PTPRD: variants seen among roughly 807,000 people sequenced by gnomAD.
PTPRD encodes protein tyrosine phosphatase receptor type D.
PTPRD carries 34 observed loss-of-function variants against 214.5 expected under a neutral mutation model. The ratio of observed to expected loss-of-function variants is 0.16; its 90% CI spans 0.12 to 0.21. PTPRD has a LOEUF of 0.21. Among genes scored for constraint, PTPRD ranks in the 10% least tolerant of loss-of-function variants. PTPRD has a pLI of 1.00. For missense variants in PTPRD, 2,545 were observed against 2,398.7 expected (o/e 1.06, Z -1.27); for synonymous variants, 1,128 against 845.7 (o/e 1.33, Z -5.79).
chr9:8,868,280 C>T (rs1239111503), intron 11 of PTPRD, among the ~76,000 whole-genome samples: 2 of 152,194 alleles, frequency 1.3e-5, no homozygotes, highest in African/African-American at 4.8e-5. Flanking sequence ...GCTACTGCAA[C>T]CTCTGCCTCC....
At chr9:8,352,289 A>C (rs1216871146) in intron 39 of PTPRD, among the ~76,000 whole-genome samples, 2 of 152,200 alleles carry the variant, frequency 1.3e-5, no homozygotes, top group African/African-American at 2.4e-5. Flanking sequence ...TGGATAGAAC[A>C]GGCCATTAGG....
intron 5 of PTPRD, among the ~76,000 whole-genome samples, chr9:9,797,339 G>C (rs934184022): frequency 1.4e-5 from 2 of 138,236 alleles, no homozygotes; most frequent in Admixed American, 7.9e-5. Context: ...TATTTTATAA[G>C]AAAATACTAT....
chr9:10,217,192 A>G lies in PTPRD; in HGVS notation c.-545+123771T>C, dbSNP rs538414896. On this transcript the variant is annotated intron_variant, in intron 3 of 45. Transcript: ENST00000381196. ...TAAAGAAGTTGTATTTACTTGTGAA[A>G]CATGTTTAAATGATTTAGATTTAAG... 2.0e-5 allele frequency among the ~76,000 whole-genome samples: 3 copies of G among 151,750 alleles called. No individual in the cohort carries two copies. In the East Asian group the frequency reaches 5.8e-4, roughly 30 times the overall value.
intron 11 of PTPRD, among the ~76,000 whole-genome samples, chr9:8,910,421 G>A (rs948820623): frequency 2.3e-4 from 35 of 152,136 alleles, no homozygotes; most frequent in Admixed American, 7.2e-4. Flanking sequence ...ATCTGTACTC[G>A]CAAATGGATT....
At chr9:9,041,321 G>T (rs1400802549) in intron 10 of PTPRD, among the ~76,000 whole-genome samples, 1 of 152,032 alleles carries the variant, frequency 6.6e-6, no homozygotes, top group Non-Finnish European at 1.5e-5. Context: ...CAGGTATTAA[G>T]CCTAGTACCC....
chr9:9,676,355 C>T (rs947964131), intron 7 of PTPRD, among the ~76,000 whole-genome samples: 1 of 149,522 alleles, frequency 6.7e-6, no homozygotes, highest in African/African-American at 2.5e-5. Context: ...CAATTCCCAC[C>T]TATGAGGGAG....
chr9:8,335,651 G>A (rs544247360), intron 43 of PTPRD, among the ~76,000 whole-genome samples: 1 of 152,158 alleles, frequency 6.6e-6, no homozygotes, highest in Non-Finnish European at 1.5e-5. Context: ...AGGGCAATCA[G>A]GCAAGAGAAA....
intron 8 of PTPRD, among the ~76,000 whole-genome samples, chr9:9,536,785 C>G (rs2076601207): frequency 6.6e-6 from 1 of 152,012 alleles, no homozygotes; most frequent in South Asian, 2.1e-4. Context: ...AAACGAAAAG[C>G]CCCTTCTCAT....
At chr9:9,949,904 G>C (rs565687504) in intron 4 of PTPRD, among the ~76,000 whole-genome samples, 1 of 152,238 alleles carries the variant, frequency 6.6e-6, no homozygotes, top group South Asian at 2.1e-4. Flanking sequence ...TCTGAAGCCA[G>C]TATTATCAAA....
chr9:8,741,975 A>T (rs989928533), intron 11 of PTPRD, among the ~76,000 whole-genome samples: 1 of 152,146 alleles, frequency 6.6e-6, no homozygotes, highest in African/African-American at 2.4e-5. Flanking sequence ...CTTGATTAAG[A>T]GGTCTAGACA....
chr9:10,488,736 G>A (rs762285894), intron 2 of PTPRD, among the ~76,000 whole-genome samples: 12 of 152,034 alleles, frequency 7.9e-5, no homozygotes, highest in African/African-American at 2.2e-4. Context: ...AACGGCCACC[G>A]CCACCACAGG....
At chr9:9,396,124 T>G (rs1366328429) in intron 9 of PTPRD, among the ~76,000 whole-genome samples, 3 of 152,036 alleles carry the variant, frequency 2.0e-5, no homozygotes, top group Non-Finnish European at 2.9e-5. Context: ...TGTATGTGAC[T>G]CAACAAAACA....
At chr9:9,111,131 A>G (rs1467005389) in intron 10 of PTPRD, among the ~76,000 whole-genome samples, 1 of 151,506 alleles carries the variant, frequency 6.6e-6, no homozygotes, top group East Asian at 2.0e-4. Flanking sequence ...GACCTACACT[A>G]TGGGGAACCA....
chr9:9,333,083 T>A (rs1392446044), intron 9 of PTPRD, among the ~76,000 whole-genome samples: 2 of 151,828 alleles, frequency 1.3e-5, no homozygotes, highest in South Asian at 4.2e-4. Flanking sequence ...GGGAGGGACA[T>A]AAAGAGTACA....
chr9:10,569,091 C>T (rs1295103539), intron 2 of PTPRD, among the ~76,000 whole-genome samples: 1 of 151,894 alleles, frequency 6.6e-6, no homozygotes, highest in Middle Eastern at 3.2e-3. Context: ...AAACAAAAAC[C>T]CATCAAAAAA....
intron 8 of PTPRD, among the ~76,000 whole-genome samples, chr9:9,571,116 G>A: frequency 6.6e-6 from 1 of 151,374 alleles, no homozygotes; most frequent in East Asian, 1.9e-4. Flanking sequence ...GTTACTTCAT[G>A]AGGAAAAACA....
In PTPRD at chr9:10,569,368, G is replaced by A. The variant is rs115821498; in HGVS notation, c.-600+43030C>T. Reference sequence around the variant, plus strand: ...TTTTAAAACCTACACCAGTATTCCCGGTTAACATATCTATTTCTTCTCCCT... The same window carrying A: ...TTTTAAAACCTACACCAGTATTCCCAGTTAACATATCTATTTCTTCTCCCT... On this transcript the variant is annotated intron_variant, in intron 2 of 45. Transcript: ENST00000381196. 3.9e-3 allele frequency among the ~76,000 whole-genome samples: 588 copies of A among 152,002 alleles called. 2 individuals are homozygous for A. The highest frequency in any genetic ancestry group is 0.012 in the African/African-American group (511 of 41,470).
chr9:9,865,967 A>G (rs1441784265), intron 5 of PTPRD, among the ~76,000 whole-genome samples: 1 of 152,194 alleles, frequency 6.6e-6, no homozygotes, highest in Non-Finnish European at 1.5e-5. Flanking sequence ...GAACAATTCA[A>G]GGAAGAGTCC....
intron 11 of PTPRD, chr9:8,861,387 G>GA (rs1272825475): frequency 6.6e-6 from 1 of 151,954 alleles, no homozygotes; most frequent in Non-Finnish European, 1.5e-5. Context: ...AGAAAAGTAG[G>GA]AAAAAACACA....
Sources: gnomAD v4.1 joint callset for allele counts (sites outside exome capture counted in the v4.1 genomes callset) on GRCh38, gnomAD v4.1.1 for gene constraint, MANE v1.5 for transcripts, NCBI Gene and HGNC (gene_info 2026-07-23, HGNC 2026-07-21) for gene names.